DYNLT5: variants seen among roughly 807,000 people sequenced by gnomAD.
DYNLT5 encodes the protein dynein light chain Tctex-type family member 5, also known as dynein light chain Tctex-type 5.
In DYNLT5, 25 loss-of-function variants were observed where a neutral mutation model predicts 19.3. The ratio of observed to expected loss-of-function variants is 1.30; its 90% CI spans 0.95 to 1.81. The LOEUF (loss-of-function observed/expected upper bound fraction) is 1.81, where lower values mean the gene tolerates loss of function less well. DYNLT5 is among the 40% of genes most tolerant of loss of function. The probability of loss-of-function intolerance (pLI) is 0.00; values close to 1 mark genes in which losing one functional copy is unlikely to be tolerated. For missense variants in DYNLT5, 232 were observed against 217.9 expected, an observed-to-expected ratio of 1.06 and a Z score of -0.41; for synonymous variants, 82 against 68.9, an observed-to-expected ratio of 1.19 and a Z score of -0.94.
intron 2 of DYNLT5, chr1:66,768,779 G>A (rs1645184403): frequency 1.3e-5 from 2 of 152,112 alleles, no homozygotes; most frequent in Non-Finnish European, 2.9e-5. Flanking sequence ...TAATTGCAGT[G>A]ATTAATTATT....
chr1:66,759,050 AT>A (rs2150860350), intron 2 of DYNLT5, among the ~76,000 whole-genome samples: 1 of 152,318 alleles, frequency 6.6e-6, no homozygotes, highest in Admixed American at 6.5e-5. Context: ...TGAAATGGCC[AT>A]GTTTCCAAAT....
intron 2 of DYNLT5, among the ~76,000 whole-genome samples, chr1:66,756,782 T>C (rs1268948746): frequency 1.3e-5 from 2 of 152,106 alleles, no homozygotes; most frequent in East Asian, 3.9e-4. Context: ...AGCACCATCT[T>C]CCCCACCATC....
chr1:66,765,466 T>C (rs1169732811), intron 2 of DYNLT5, among the ~76,000 whole-genome samples: 1 of 152,182 alleles, frequency 6.6e-6, no homozygotes. Flanking sequence ...TTGTGGCTGA[T>C]GAGAATTAAC....
chr1:66,760,229 A>C (rs1379059816), intron 2 of DYNLT5, among the ~76,000 whole-genome samples: 1 of 152,132 alleles, frequency 6.6e-6, no homozygotes, highest in Non-Finnish European at 1.5e-5. Context: ...TTTATTGTCT[A>C]TTCTCTGTCT....
At chr1:66,756,904 A>C (rs1326215360) in intron 2 of DYNLT5, among the ~76,000 whole-genome samples, 6 of 152,164 alleles carry the variant, frequency 3.9e-5, no homozygotes, top group African/African-American at 1.4e-4. Flanking sequence ...CCTTGCCTGC[A>C]ATGCTCTTCT....
intron 2 of DYNLT5, among the ~76,000 whole-genome samples, chr1:66,759,751 T>C (rs2094642602): frequency 6.6e-6 from 1 of 152,170 alleles, no homozygotes; most frequent in Admixed American, 6.5e-5. Flanking sequence ...CATGTGAGAG[T>C]AAAACCTGAT....
intron 3 of DYNLT5, among the ~76,000 whole-genome samples, chr1:66,773,745 A>G (rs1645218256): frequency 6.6e-6 from 1 of 152,148 alleles, no homozygotes. Flanking sequence ...CTTTTTAAGG[A>G]CAAGTTTTGT....
chr1:66,776,659 T>A (rs777225127), intron 4 of DYNLT5, among the ~76,000 whole-genome samples: 5 of 152,138 alleles, frequency 3.3e-5, no homozygotes, highest in Non-Finnish European at 7.3e-5. Flanking sequence ...CTGCCCCATT[T>A]ATAAAAGTGT....
At chr1:66,752,718 A>T in intron 1 of DYNLT5, 134 bp downstream of exon 1, 1 of 486,558 alleles carries the variant, frequency 2.1e-6, no homozygotes, top group South Asian at 8.7e-5. Context: ...TCCCCAACAC[A>T]TAAGAAAAAA....
At chr1:66,762,060 T>C (rs771125002) in intron 2 of DYNLT5, among the ~76,000 whole-genome samples, 17 of 152,190 alleles carry the variant, frequency 1.1e-4, no homozygotes, top group Non-Finnish European at 2.1e-4. Context: ...ACCACTTTCT[T>C]TGCTCATTTG....
rs1309509814 is a variant in DYNLT5 at position 66,778,092 on chromosome 1, A to G, written c.*638A>G. 1 of 152,662 alleles carries G rather than the reference A, an allele frequency of 6.6e-6. No individual in the cohort carries two copies. Among genetic ancestry groups the G allele is most frequent in the Non-Finnish European group, 1.5e-5 (1 of 68,044 alleles). 9.5% of individuals were successfully genotyped at this position (152,662 alleles called of 1,614,324 possible). A position where few individuals can be genotyped will look rare whatever the true frequency, so the allele number is the denominator to read the frequency against. On this transcript the variant is annotated 3_prime_UTR_variant, in exon 5 of 5. Coordinates refer to ENST00000282670, the MANE Select transcript of DYNLT5 (RefSeq NM_152665.3). The stretch of plus-strand genomic sequence containing the variant: ...TGCCTGCACTTTACACAATTGTGGG[A>G]GAACCGAAAGTTGGCTCTTCAGTAA...
chr1:66,754,572 G>A, intron 1 of DYNLT5, 84 bp from the exon 2 acceptor site: 1 of 1,381,782 alleles, frequency 7.2e-7, no homozygotes. Flanking sequence ...AACTATCTGT[G>A]TACTTTGAGA....
chr1:66,763,975 A>G (rs372752875), intron 2 of DYNLT5, among the ~76,000 whole-genome samples: 1 of 152,082 alleles, frequency 6.6e-6, no homozygotes, highest in African/African-American at 2.4e-5. Context: ...ACTTGAGTTC[A>G]AGAGTTCGAG....
Position 66,770,425 on chromosome 1 carries a change from A to T in DYNLT5, c.158A>T (p.Gln53Leu). The T allele has an allele frequency of 6.2e-7, 1 of 1,613,672 alleles. No individual in the cohort carries two copies. The highest frequency in any genetic ancestry group is 8.5e-7 in the Non-Finnish European group (1 of 1,179,718). Reference sequence around the variant, plus strand: ...GTGTCTTATATGGAAGAACCCAGTCAGCGTGATGATATCTCTCGCCTTACA... The same window carrying T: ...GTGTCTTATATGGAAGAACCCAGTCTGCGTGATGATATCTCTCGCCTTACA... ...STVSYMEEPS[Q>L]RDDISRLTVQ... The change falls in exon 3 of 5, where the codon CAG becomes CTG. Residue 53 changes from glutamine (Q) to leucine (L), a missense_variant. Gln to Leu is a moderately radical substitution (Grantham distance 113). Coordinates refer to ENST00000282670, the MANE Select transcript of DYNLT5 (RefSeq NM_152665.3).
chr1:66,758,739 CA>C (rs1281308703), intron 2 of DYNLT5, among the ~76,000 whole-genome samples: 1 of 152,130 alleles, frequency 6.6e-6, no homozygotes, highest in African/African-American at 2.4e-5. Flanking sequence ...ACTTTTTTCA[CA>C]TTGTCTAGGT....
intron 3 of DYNLT5, among the ~76,000 whole-genome samples, chr1:66,772,016 A>G (rs1645206960): frequency 6.6e-6 from 1 of 152,188 alleles, no homozygotes; most frequent in South Asian, 2.1e-4. Flanking sequence ...TATGCTTGAC[A>G]ATTCCCTTTT....
intron 2 of DYNLT5, among the ~76,000 whole-genome samples, chr1:66,768,058 G>A (rs953166650): frequency 7.2e-5 from 11 of 152,140 alleles, no homozygotes; most frequent in Admixed American, 5.2e-4. Flanking sequence ...TCCCTGACAC[G>A]ATGTTCATTA....
At chr1:66,777,107 ATACT>A in intron 4 of DYNLT5, 140 bp from the exon 5 acceptor site, 1 of 683,652 alleles carries the variant, frequency 1.5e-6, no homozygotes, top group Non-Finnish European at 2.3e-6. Context: ...GAAGGGAATC[ATACT>A]TACGGTTCTA....
intron 3 of DYNLT5, among the ~76,000 whole-genome samples, chr1:66,772,127 G>A (rs1011441858): frequency 2.6e-5 from 4 of 152,084 alleles, no homozygotes; most frequent in African/African-American, 9.7e-5. Context: ...TATTTTGTGA[G>A]TGTATTAGTC....
Sources: allele counts gnomAD v4.1 joint callset (sites outside exome capture counted in the v4.1 genomes callset), GRCh38; gene constraint gnomAD v4.1.1; transcripts MANE v1.5; gene names NCBI Gene and HGNC (gene_info 2026-07-23, HGNC 2026-07-21).